Variants in CGGBP1 observed in about 807,000 individuals in gnomAD.
CGGBP1 encodes CGG triplet repeat binding protein 1.
A neutral mutation model predicts 11.4 loss-of-function variants in CGGBP1; 4 were observed. The observed-to-expected ratio is 0.35, with a 90% confidence interval of 0.17 to 0.80. The LOEUF is 0.80. Ranked by LOEUF, CGGBP1 falls within the 30% of genes least tolerant of loss-of-function variation. The pLI is 0.52. For missense variants in CGGBP1, 135 were observed against 202.1 expected, an observed-to-expected ratio of 0.67 and a Z score of 2.01; for synonymous variants, 76 against 74.1, an observed-to-expected ratio of 1.03 and a Z score of -0.13.
intron 2 of CGGBP1, among the ~76,000 whole-genome samples, chr3:88,104,861 A>G (rs1340864116): frequency 6.6e-6 from 1 of 152,240 alleles, no homozygotes; most frequent in African/African-American, 2.4e-5. Flanking sequence ...AAATTCATCC[A>G]GGCACAGTGG....
chr3:88,106,390 T>A lies in CGGBP1; in HGVS notation c.-229+34580A>T, dbSNP rs541890704. Among the ~76,000 whole-genome samples the A allele has an allele frequency of 3.9e-4, 60 of 152,326 alleles. No individual in the cohort carries two copies. In the South Asian group the frequency reaches 0.012, roughly 31 times the overall value. Reference sequence around the variant, plus strand: ...TCTCACTCTGTCACCCAGGCTGGATTGCAGTGGTGTGATCTCGGCTCACTG... The same window carrying A: ...TCTCACTCTGTCACCCAGGCTGGATAGCAGTGGTGTGATCTCGGCTCACTG... On this transcript the variant is annotated intron_variant, in intron 2 of 3. Coordinates refer to the CGGBP1 transcript ENST00000462901.
In CGGBP1 at chr3:88,141,645, G is replaced by A. The variant is rs113885090; in HGVS notation, c.-337-567C>T. On this transcript the variant is annotated intron_variant, in intron 1 of 3. Coordinates refer to the CGGBP1 transcript ENST00000462901. ...TTAACAGATGTGTTCTGTTTTACAG[G>A]TGCCTGATGAAAACGGTTCAGAAAG... 2.7e-3 allele frequency: 4,006 copies of A among 1,508,210 alleles called. 78 individuals carry two copies. In the African/African-American group the frequency reaches 0.045, roughly 17 times the overall value. The allele number at this position is 1,508,210 out of a possible 1,614,324, so 93.4% of individuals were successfully genotyped here. A position where few individuals can be genotyped will look rare whatever the true frequency, so the allele number is the denominator to read the frequency against.
intron 1 of CGGBP1, among the ~76,000 whole-genome samples, chr3:88,145,299 T>C (rs114186606): frequency 2.6e-5 from 4 of 152,098 alleles, no homozygotes; most frequent in South Asian, 2.1e-4. Flanking sequence ...AAAAAAACTT[T>C]TGATGTGATG....
At chr3:88,130,052 A>T (rs529894541) in intron 2 of CGGBP1, among the ~76,000 whole-genome samples, 5 of 152,346 alleles carry the variant, frequency 3.3e-5, no homozygotes, top group Admixed American at 2.0e-4. Context: ...TGCTATAATG[A>T]AACAGTGGTT....
chr3:88,121,813 T>C (rs1705785716), intron 2 of CGGBP1, among the ~76,000 whole-genome samples: 1 of 152,224 alleles, frequency 6.6e-6, no homozygotes, highest in African/African-American at 2.4e-5. Context: ...TTTGCTGCAG[T>C]AACTTGCTTA....
At chr3:88,079,005 T>A (rs2107639606) in intron 2 of CGGBP1, among the ~76,000 whole-genome samples, 1 of 152,196 alleles carries the variant, frequency 6.6e-6, no homozygotes, top group African/African-American at 2.4e-5. Flanking sequence ...GGCTAAAAAG[T>A]CAGTGTTGAA....
At chr3:88,148,406 A>G (rs1200956058) in intron 1 of CGGBP1, among the ~76,000 whole-genome samples, 1 of 152,194 alleles carries the variant, frequency 6.6e-6, no homozygotes, top group Non-Finnish European at 1.5e-5. Context: ...ATATTTTAGC[A>G]CTTATCTTGT....
intron 2 of CGGBP1, among the ~76,000 whole-genome samples, chr3:88,085,859 C>T (rs1000948428): frequency 2.6e-5 from 4 of 152,024 alleles, no homozygotes; most frequent in Non-Finnish European, 5.9e-5. Context: ...TGCTTAGAGT[C>T]TTATAAATAA....
In CGGBP1 at chr3:88,124,874, A is replaced by G. The variant is rs146290913; in HGVS notation, c.-229+16096T>C. Among the ~76,000 whole-genome samples, 1,254 of 152,030 alleles carry G rather than the reference A, an allele frequency of 8.2e-3. 10 individuals are homozygous for G. Among genetic ancestry groups the G allele is most frequent in the African/African-American group, 0.029 (1,213 of 41,442 alleles). On this transcript the variant is annotated intron_variant, in intron 2 of 3. Coordinates refer to the CGGBP1 transcript ENST00000462901. ...AAAATAATACTTTTACTAGATATTC[A>G]GTTAATCTTTCTAAATTGTCAAATT...
chr3:88,112,858 C>T (rs368904342), intron 2 of CGGBP1, among the ~76,000 whole-genome samples: 4 of 151,916 alleles, frequency 2.6e-5, no homozygotes, highest in Middle Eastern at 3.2e-3. Flanking sequence ...GCATTGTGGT[C>T]ATTAGTAGGC....
chr3:88,143,373 G>A (rs1490822052), intron 1 of CGGBP1: 3 of 152,212 alleles, frequency 2.0e-5, no homozygotes, highest in Non-Finnish European at 4.4e-5. Flanking sequence ...ACTAAACACA[G>A]CTCATAATTA....
intron 2 of CGGBP1, chr3:88,129,767 G>C (rs1706336445): frequency 6.5e-7 from 1 of 1,528,462 alleles, no homozygotes. Context: ...TGTTAGCCTT[G>C]CAACTCTGTG....
chr3:88,074,542 A>G (rs1707694104), intron 2 of CGGBP1, among the ~76,000 whole-genome samples: 1 of 151,802 alleles, frequency 6.6e-6, no homozygotes. Flanking sequence ...GGATTTCACC[A>G]TGTTGGCCAG....
At chr3:88,069,144 AGGCGCCGT>A (rs57383292) in intron 2 of CGGBP1, among the ~76,000 whole-genome samples, 118,446 of 151,390 alleles carry the variant, frequency 0.78, 47,251 homozygotes, top group South Asian at 0.91. Context: ...TTCTCAGGCC[AGGCGCCGT>A]GGCTTACACC....
In CGGBP1 at chr3:88,055,953, T is replaced by C. The variant is rs1229656752; in HGVS notation, c.24A>G (p.Ala8=). 1 of 1,612,776 alleles carries C rather than the reference T, an allele frequency of 6.2e-7. No individual in the cohort carries two copies. The highest frequency in any genetic ancestry group is 1.1e-5 in the South Asian group (1 of 90,958). ...TCTTAGAACGGTTTCGAGCAGGTGGTGCTGTTACTACAAATCGCTCCATTC... is the reference window on the plus strand; with the variant it reads ...TCTTAGAACGGTTTCGAGCAGGTGGCGCTGTTACTACAAATCGCTCCATTC... MERFVVT[A]PPARNRSKTA... is the part of the protein sequence containing the mutation. The change falls in exon 4 of 4, where the codon GCA becomes GCG. Residue 8 remains alanine, a synonymous_variant. Transcript: ENST00000482016. The surrounding 1 kb of genome is among the most constrained non-coding windows in gnomAD (Gnocchi z 4.2).
intron 2 of CGGBP1, chr3:88,140,659 T>C (rs373492589): frequency 2.0e-5 from 32 of 1,613,574 alleles, no homozygotes; most frequent in African/African-American, 2.7e-5. Context: ...GCTTTGAAAA[T>C]TGATACAAAC....
intron 2 of CGGBP1, among the ~76,000 whole-genome samples, chr3:88,093,114 C>T (rs926678125): frequency 2.6e-5 from 4 of 152,130 alleles, no homozygotes; most frequent in African/African-American, 7.2e-5. Flanking sequence ...ACCTCAAATT[C>T]ATTCTTTGTA....
chr3:88,113,210 T>G (rs1008677555), intron 2 of CGGBP1: 2 of 1,491,382 alleles, frequency 1.3e-6, no homozygotes, highest in South Asian at 1.2e-5. Flanking sequence ...AAAAACAGTT[T>G]ACTACTTCAC....
intron 1 of CGGBP1, among the ~76,000 whole-genome samples, chr3:88,141,448 T>C (rs1707126375): frequency 6.6e-6 from 1 of 152,044 alleles, no homozygotes; most frequent in Admixed American, 6.6e-5. Flanking sequence ...ATCAAGTGAA[T>C]CTGTGTCTCT....
Sources: allele counts gnomAD v4.1 joint callset (sites outside exome capture counted in the v4.1 genomes callset), GRCh38; gene constraint gnomAD v4.1.1; non-coding constraint Gnocchi (gnomAD v3.1); transcripts MANE v1.5; gene names NCBI Gene and HGNC (gene_info 2026-07-23, HGNC 2026-07-21).